Variants in PITPNM3 observed in about 807,000 individuals in gnomAD.
PITPNM3 encodes the protein PITPNM family member 3, also known as membrane-associated phosphatidylinositol transfer protein 3.
Under a neutral mutation model 102.0 loss-of-function variants are expected in PITPNM3, and 26 were observed. The ratio of observed to expected loss-of-function variants is 0.25; its 90% CI spans 0.19 to 0.35. The LOEUF (loss-of-function observed/expected upper bound fraction) is 0.35, where lower values mean the gene tolerates loss of function less well. PITPNM3 is among the 10% of genes least tolerant of loss of function. The probability of loss-of-function intolerance (pLI) is 1.00; values close to 1 mark genes in which losing one functional copy is unlikely to be tolerated. For missense variants in PITPNM3, 1,083 were observed against 1,346.1 expected (o/e 0.80, Z 3.06); for synonymous variants, 578 against 558.6 (o/e 1.03, Z -0.49).
In PITPNM3 at chr17:6,470,503, GC is replaced by G. The variant is rs112564690; in HGVS notation, c.1625-96del. The G allele has an allele frequency of 4.3e-4, 667 of 1,551,246 alleles. 5 individuals are homozygous for G. The African/African-American group carries it at 6.6e-3, about 15-fold the overall frequency. ...CCCATTGCACAGACTGGTGGTGGAT[GC>G]CCCACGTGGGGCACGGGTTTGGGCG... On this transcript the variant is annotated intron_variant, in intron 12 of 19. Coordinates refer to ENST00000262483, the MANE Select transcript of PITPNM3 (RefSeq NM_031220.4). The surrounding 1 kb of genome is among the most constrained non-coding windows in gnomAD (Gnocchi z 4.8).
Position 6,478,521 on chromosome 17 carries a change from G to A in PITPNM3, c.777+26C>T. On this transcript the variant is annotated intron_variant, in intron 7 of 19. Coordinates refer to ENST00000262483, the MANE Select transcript of PITPNM3 (RefSeq NM_031220.4). This position sits in a 1 kb window ranked among gnomAD's most constrained non-coding sequence, Gnocchi z 4.4. ...GCCGGGGCCGGAACAGGGGAGGGGA[G>A]AGGAGGAGAGGGCAGGCTGTCCTAC... 2 of 1,612,378 alleles carry A rather than the reference G, an allele frequency of 1.2e-6. No individual in the cohort carries two copies. Among genetic ancestry groups the A allele is most frequent in the Non-Finnish European group, 1.7e-6 (2 of 1,178,678 alleles).
Position 6,469,676 on chromosome 17 carries a change from C to T in PITPNM3, c.1773+584G>A, listed in dbSNP as rs181174684. ...CCCCTGCACTGGCCTCACAAGAGGCCTCATGGTTCCTCTCCTGCCGTGAAA... is the reference window on the plus strand; with the variant it reads ...CCCCTGCACTGGCCTCACAAGAGGCTTCATGGTTCCTCTCCTGCCGTGAAA... On this transcript the variant is annotated intron_variant, in intron 13 of 19. Transcript: ENST00000262483. The surrounding 1 kb of genome is among the most constrained non-coding windows in gnomAD (Gnocchi z 4.0). Among the ~76,000 whole-genome samples, 5 of 152,332 alleles carry T rather than the reference C, an allele frequency of 3.3e-5. No homozygotes were observed. Among genetic ancestry groups the T allele is most frequent in the Non-Finnish European group, 7.3e-5 (5 of 68,028 alleles).
intron 3 of PITPNM3, among the ~76,000 whole-genome samples, chr17:6,524,176 G>A (rs557765073): frequency 2.0e-4 from 30 of 152,352 alleles, no homozygotes; most frequent in Non-Finnish European, 3.7e-4. Flanking sequence ...CAAGGCAGCC[G>A]TTCCCGTGGG....
chr17:6,521,878 G>A (rs1908545077), intron 3 of PITPNM3, among the ~76,000 whole-genome samples: 1 of 152,176 alleles, frequency 6.6e-6, no homozygotes, highest in African/African-American at 2.4e-5. Flanking sequence ...GAGCTGATGT[G>A]GCACCCACTT....
At chr17:6,511,579 G>A (rs1031144102) in intron 3 of PITPNM3, among the ~76,000 whole-genome samples, 7 of 152,282 alleles carry the variant, frequency 4.6e-5, no homozygotes, top group South Asian at 2.1e-4. Context: ...TCAAGATGGC[G>A]ACAGTAGAGT....
chr17:6,482,066 GTCTCTC>G (rs146498369), intron 6 of PITPNM3, among the ~76,000 whole-genome samples: 2 of 47,870 alleles, frequency 4.2e-5, no homozygotes, highest in Non-Finnish European at 8.7e-5. Context: ...CTCTCTCTCT[GTCTCTC>G]TCTCTCTCTC....
At chr17:6,471,493 G>T in intron 11 of PITPNM3, 138 bp from the exon 12 acceptor site, 1 of 860,152 alleles carries the variant, frequency 1.2e-6, no homozygotes, top group Non-Finnish European at 1.7e-6. Flanking sequence ...CAGCCCAGCA[G>T]GCACCTGCCC....
intron 4 of PITPNM3, among the ~76,000 whole-genome samples, chr17:6,500,380 GC>G (rs1201817476): frequency 2.6e-5 from 4 of 152,088 alleles, no homozygotes; most frequent in African/African-American, 7.2e-5. Context: ...TTTTTCTTCT[GC>G]CAATTTTGCA....
chr17:6,494,762 C>T (rs1906702088), intron 4 of PITPNM3, among the ~76,000 whole-genome samples: 1 of 152,324 alleles, frequency 6.6e-6, no homozygotes, highest in Middle Eastern at 3.4e-3. Context: ...TGTCATTCAA[C>T]ATGCAAAATG....
intron 3 of PITPNM3, among the ~76,000 whole-genome samples, chr17:6,515,587 T>TGAATA (rs1908120523): frequency 6.6e-6 from 1 of 152,062 alleles, no homozygotes; most frequent in African/African-American, 2.4e-5. Context: ...CTGCTTCACT[T>TGAATA]GAATAGTGTT....
chr17:6,502,957 CAG>C (rs1439591918), intron 4 of PITPNM3, among the ~76,000 whole-genome samples: 1 of 152,148 alleles, frequency 6.6e-6, no homozygotes, highest in Non-Finnish European at 1.5e-5. Context: ...CTGTATAACA[CAG>C]AGGACAGGGA....
intron 3 of PITPNM3, among the ~76,000 whole-genome samples, chr17:6,512,150 G>C (rs1319869404): frequency 6.6e-6 from 1 of 152,206 alleles, no homozygotes; most frequent in African/African-American, 2.4e-5. Context: ...ATGAGTGTTT[G>C]AAGGACAGGA....
chr17:6,455,662 G>A lies in PITPNM3; in HGVS notation c.2620-19C>T, dbSNP rs373992381. ...TCAGGAACTGCGGAGGGCAGGGGAGGGCAGGGGAGGGCAGGGCAGGGCAGC... is the reference window on the plus strand; with the variant it reads ...TCAGGAACTGCGGAGGGCAGGGGAGAGCAGGGGAGGGCAGGGCAGGGCAGC... On this transcript the variant is annotated intron_variant, in intron 19 of 19. Transcript: ENST00000262483. 8.1e-6 allele frequency: 12 copies of A among 1,474,050 alleles called. No homozygotes were observed. Among genetic ancestry groups the A allele is most frequent in the Non-Finnish European group, 1.1e-5 (12 of 1,122,178 alleles). The allele number at this position is 1,474,050 out of a possible 1,614,324, so 91.3% of individuals were successfully genotyped here. A position where few individuals can be genotyped will look rare whatever the true frequency, so the allele number is the denominator to read the frequency against.
intron 2 of PITPNM3, among the ~76,000 whole-genome samples, chr17:6,525,670 G>A (rs942883411): frequency 9.2e-5 from 14 of 152,094 alleles, no homozygotes; most frequent in African/African-American, 2.9e-4. Flanking sequence ...TACCCTACTG[G>A]GCCTCCACGT....
At chr17:6,511,861 C>A (rs1907883348) in intron 3 of PITPNM3, among the ~76,000 whole-genome samples, 1 of 152,184 alleles carries the variant, frequency 6.6e-6, no homozygotes, top group Non-Finnish European at 1.5e-5. Flanking sequence ...AGGAGAATCA[C>A]TTGAACCCAG....
Position 6,470,486 on chromosome 17 carries a change from A to G in PITPNM3, c.1625-78T>C. 2 of 1,595,634 alleles carry G rather than the reference A, an allele frequency of 1.3e-6. No homozygotes were observed. Among genetic ancestry groups the G allele is most frequent in the Non-Finnish European group, 1.7e-6 (2 of 1,165,660 alleles). On this transcript the variant is annotated intron_variant, in intron 12 of 19. Coordinates refer to ENST00000262483, the MANE Select transcript of PITPNM3 (RefSeq NM_031220.4). This position sits in a 1 kb window ranked among gnomAD's most constrained non-coding sequence, Gnocchi z 4.8. ...GAGGGGCAGCGGGGTCTCCCATTGC[A>G]CAGACTGGTGGTGGATGCCCCACGT...
chr17:6,473,640 G>A (rs184347935), intron 10 of PITPNM3, among the ~76,000 whole-genome samples: 4 of 152,130 alleles, frequency 2.6e-5, no homozygotes, highest in Admixed American at 6.5e-5. Flanking sequence ...GGTGCCAATC[G>A]CCTGGTGTGT....
chr17:6,456,769 T>C (rs1914135579), intron 19 of PITPNM3, among the ~76,000 whole-genome samples: 1 of 152,052 alleles, frequency 6.6e-6, no homozygotes, highest in Non-Finnish European at 1.5e-5. Context: ...GCTGCGCGAT[T>C]CCAATAGTGG....
chr17:6,518,129 G>T (rs952849), intron 3 of PITPNM3, among the ~76,000 whole-genome samples: 14,050 of 152,148 alleles, frequency 0.092, 1,551 homozygotes, highest in African/African-American at 0.26. Context: ...AAGATATCAC[G>T]TTAGGGTCAC....
Sources: allele counts gnomAD v4.1 joint callset (sites outside exome capture counted in the v4.1 genomes callset), GRCh38; gene constraint gnomAD v4.1.1; non-coding constraint Gnocchi (gnomAD v3.1); transcripts MANE v1.5; gene names NCBI Gene and HGNC (gene_info 2026-07-23, HGNC 2026-07-21).